The following EPHA3 variants were observed in gnomAD, a reference collection of about 807,000 sequenced individuals.
EPHA3 encodes the protein EPH receptor A3, also known as ephrin type-A receptor 3.
EPHA3 carries 42 observed loss-of-function variants against 107.1 expected under a neutral mutation model. That is an observed-to-expected ratio of 0.39 (90% CI 0.31 to 0.51). The LOEUF (loss-of-function observed/expected upper bound fraction) is 0.51. Among genes scored for constraint, EPHA3 ranks in the 20% least tolerant of loss-of-function variants. EPHA3 has a pLI of 0.78. For synonymous variants in EPHA3, 461 were observed against 424.8 expected, an observed-to-expected ratio of 1.09 and a Z score of -1.05; for missense variants, 1,183 against 1,211.2, an observed-to-expected ratio of 0.98 and a Z score of 0.35.
At chr3:89,341,352 T>A (rs1707517272) in intron 4 of EPHA3, among the ~76,000 whole-genome samples, 1 of 152,176 alleles carries the variant, frequency 6.6e-6, no homozygotes, top group Admixed American at 6.5e-5. Flanking sequence ...TATGACAGGA[T>A]AGGGGAGGTT....
intron 3 of EPHA3, among the ~76,000 whole-genome samples, chr3:89,279,879 A>C (rs1705897552): frequency 1.3e-5 from 2 of 152,218 alleles, no homozygotes; most frequent in Non-Finnish European, 2.9e-5. Flanking sequence ...ATATAACACA[A>C]AAAGAAGGTA....
intron 7 of EPHA3, among the ~76,000 whole-genome samples, chr3:89,406,749 A>G: frequency 6.6e-6 from 1 of 152,158 alleles, no homozygotes. Context: ...CTAGGTGAAT[A>G]AATGGGCCAT....
intron 3 of EPHA3, among the ~76,000 whole-genome samples, chr3:89,218,652 A>T (rs1301314031): frequency 6.6e-6 from 1 of 152,160 alleles, no homozygotes; most frequent in African/African-American, 2.4e-5. Flanking sequence ...GTATATAACC[A>T]GTAACGGGAT....
intron 3 of EPHA3, among the ~76,000 whole-genome samples, chr3:89,284,076 C>G (rs542212487): frequency 3.3e-4 from 50 of 151,980 alleles, no homozygotes; most frequent in Non-Finnish European, 6.0e-4. Context: ...AAATAATGAT[C>G]AGAAACTGTT....
At chr3:89,275,297 CTAT>C (rs1705779931) in intron 3 of EPHA3, among the ~76,000 whole-genome samples, 1 of 151,982 alleles carries the variant, frequency 6.6e-6, no homozygotes, top group Non-Finnish European at 1.5e-5. Context: ...AATCAAGAAG[CTAT>C]GGTGGAAGAA....
intron 3 of EPHA3, among the ~76,000 whole-genome samples, chr3:89,299,315 A>G (rs1706430869): frequency 6.6e-6 from 1 of 152,042 alleles, no homozygotes. Context: ...AAGACAGAGC[A>G]GCATTACATT....
At chr3:89,296,761 C>CAGATG (rs1706363692) in intron 3 of EPHA3, among the ~76,000 whole-genome samples, 1 of 152,292 alleles carries the variant, frequency 6.6e-6, no homozygotes, top group Middle Eastern at 3.4e-3. Context: ...GTGAAAGTCT[C>CAGATG]AGATGGTATT....
At chr3:89,153,769 A>G (rs1704736623) in intron 2 of EPHA3, among the ~76,000 whole-genome samples, 1 of 151,984 alleles carries the variant, frequency 6.6e-6, no homozygotes, top group Admixed American at 6.6e-5. Flanking sequence ...TCCTGAATCT[A>G]CTTATCTCAC....
At chr3:89,124,901 G>T (rs1386244455) in intron 1 of EPHA3, among the ~76,000 whole-genome samples, 3 of 151,824 alleles carry the variant, frequency 2.0e-5, no homozygotes, top group Non-Finnish European at 4.4e-5. Flanking sequence ...TTGACTGTAT[G>T]GTCTAACCTA....
intron 2 of EPHA3, among the ~76,000 whole-genome samples, chr3:89,151,168 T>A (rs983368999): frequency 1.3e-5 from 2 of 152,048 alleles, no homozygotes; most frequent in African/African-American, 4.8e-5. Context: ...TTATCATACC[T>A]AAAATATGTG....
At chr3:89,173,447 G>T (rs1705252344) in intron 2 of EPHA3, among the ~76,000 whole-genome samples, 1 of 151,900 alleles carries the variant, frequency 6.6e-6, no homozygotes, top group Admixed American at 6.6e-5. Flanking sequence ...AGTAAACTCA[G>T]TTTCATTTTA....
chr3:89,268,853 A>G (rs1705596910), intron 3 of EPHA3, among the ~76,000 whole-genome samples: 5 of 151,508 alleles, frequency 3.3e-5, no homozygotes, highest in Admixed American at 3.3e-4. Flanking sequence ...GTTTTTTTAA[A>G]CCTTCCTGTG....
chr3:89,294,075 G>A (rs1018208252), intron 3 of EPHA3, among the ~76,000 whole-genome samples: 2 of 152,092 alleles, frequency 1.3e-5, no homozygotes, highest in Admixed American at 6.6e-5. Context: ...CAGGTAGAGG[G>A]TAAGATTTGT....
At chr3:89,233,928 T>C (rs1224555765) in intron 3 of EPHA3, among the ~76,000 whole-genome samples, 1 of 152,192 alleles carries the variant, frequency 6.6e-6, no homozygotes, top group Non-Finnish European at 1.5e-5. Context: ...TCTATTCTCT[T>C]ATCCTTTGTG....
At position 89,399,326 on chromosome 3, in the gene EPHA3, A is replaced by G. The variant is rs963604537; in HGVS notation, c.1440A>G (p.Gln480=). The G allele has an allele frequency of 1.2e-5, 19 of 1,596,692 alleles. No homozygotes were observed. The highest frequency in any genetic ancestry group is 1.5e-5 in the Non-Finnish European group (18 of 1,168,164). ...TTTTTCTGACCTCAAAGCAGGAACA[A>G]GAAACAAGTTATACCATTCTGAGGG... The part of the protein sequence containing the change: ...YEVKYYEKQE[Q]ETSYTILRAR... The change falls in exon 7 of 17, where the codon CAA becomes CAG. Residue 480 remains glutamine, a synonymous_variant. Coordinates refer to ENST00000336596, the MANE Select transcript of EPHA3 (RefSeq NM_005233.6).
intron 2 of EPHA3, among the ~76,000 whole-genome samples, chr3:89,157,620 C>T (rs548692125): frequency 2.6e-5 from 4 of 151,962 alleles, no homozygotes; most frequent in Admixed American, 1.3e-4. Context: ...GGTAACCTTG[C>T]GGGGATAAAA....
chr3:89,304,653 A>G (rs577491805), intron 3 of EPHA3, among the ~76,000 whole-genome samples: 1 of 152,196 alleles, frequency 6.6e-6, no homozygotes, highest in African/African-American at 2.4e-5. Context: ...CCATTCACAT[A>G]TCCCTTCTTT....
At chr3:89,252,259 C>T (rs1485621727) in intron 3 of EPHA3, among the ~76,000 whole-genome samples, 1 of 151,966 alleles carries the variant, frequency 6.6e-6, no homozygotes, top group Non-Finnish European at 1.5e-5. Context: ...TGTTGAATTC[C>T]ACGACTGGTT....
At chr3:89,379,012 AC>A (rs1180021178) in intron 5 of EPHA3, among the ~76,000 whole-genome samples, 1 of 152,176 alleles carries the variant, frequency 6.6e-6, no homozygotes, top group African/African-American at 2.4e-5. Flanking sequence ...AAGTTACTTG[AC>A]AAAAATTCTT....
Sources: allele counts gnomAD v4.1 joint callset (sites outside exome capture counted in the v4.1 genomes callset), GRCh38; gene constraint gnomAD v4.1.1; transcripts MANE v1.5; gene names NCBI Gene and HGNC (gene_info 2026-07-23, HGNC 2026-07-21).